The following TLK1 variants were observed in gnomAD, a reference collection of about 807,000 sequenced individuals.
TLK1 encodes tousled like kinase 1, also known as serine/threonine-protein kinase tousled-like 1.
Under a neutral mutation model 105.3 loss-of-function variants are expected in TLK1, and 24 were observed. The observed-to-expected ratio is 0.23, with a 90% CI of 0.17 to 0.32. The LOEUF is 0.32. Ranked by LOEUF, TLK1 falls within the 10% of genes least tolerant of loss-of-function variation. The pLI is 1.00. For synonymous variants in TLK1, 321 were observed against 310.4 expected (o/e 1.03, Z -0.36); for missense variants, 558 against 910.5 (o/e 0.61, Z 4.98).
chr2:171,092,564 T>A (rs1006026820), intron 2 of TLK1, among the ~76,000 whole-genome samples: 1 of 152,200 alleles, frequency 6.6e-6, no homozygotes, highest in Non-Finnish European at 1.5e-5. Flanking sequence ...ACTGTGCCAA[T>A]AGATTTAATT....
rs757650482 is a variant in TLK1, at chr2:171,006,800, G to A, written c.1598C>T (p.Thr533Met). The change falls in exon 16 of 21, where the codon ACG becomes ATG. Residue 533 changes from threonine (T) to methionine (M), a missense_variant and splice_region_variant. By Grantham distance (81) the Thr-to-Met change is moderately conservative. Transcript: ENST00000431350. ...AAATTGAACCTTAATATTCACTTAC[G>A]TATCTGTATCCAAGGAGAAATAATC... ...LYDYFSLDTD[T>M]FCTVLEYCEG... is the part of the protein sequence containing the mutation. 2.5e-6 allele frequency: 4 copies of A among 1,611,006 alleles called. No homozygotes were observed. The highest frequency in any genetic ancestry group is 2.7e-5 in the African/African-American group (2 of 74,826).
intron 2 of TLK1, among the ~76,000 whole-genome samples, chr2:171,107,974 T>C (rs913680704): frequency 1.3e-5 from 2 of 151,838 alleles, no homozygotes; most frequent in African/African-American, 4.8e-5. Flanking sequence ...TGAGGATCAC[T>C]TGAGCCTAGG....
At chr2:171,096,979 A>G (rs1294258617) in intron 2 of TLK1, among the ~76,000 whole-genome samples, 1 of 152,220 alleles carries the variant, frequency 6.6e-6, no homozygotes, top group Non-Finnish European at 1.5e-5. Flanking sequence ...TAGAAAAAAC[A>G]ACCCTAAATT....
At chr2:171,078,203 T>G (rs1236306912) in intron 3 of TLK1, among the ~76,000 whole-genome samples, 2 of 152,296 alleles carry the variant, frequency 1.3e-5, no homozygotes, top group Non-Finnish European at 2.9e-5. Flanking sequence ...TTCTTTATGC[T>G]AATTCCAAGT....
intron 19 of TLK1, among the ~76,000 whole-genome samples, chr2:170,997,437 C>T (rs1435123583): frequency 6.6e-6 from 1 of 151,960 alleles, no homozygotes; most frequent in African/African-American, 2.4e-5. Context: ...AGTATTGACT[C>T]CAGTATTCCC....
chr2:171,014,971 A>G (rs1685104487), intron 12 of TLK1, 23 bp from the exon 13 acceptor site: 1 of 1,531,524 alleles, frequency 6.5e-7, no homozygotes, highest in East Asian at 2.2e-5. Flanking sequence ...AGAGGGGACT[A>G]TAACAAGCTC....
chr2:170,997,269 C>A (rs1684109813), intron 19 of TLK1, among the ~76,000 whole-genome samples: 1 of 152,126 alleles, frequency 6.6e-6, no homozygotes, highest in African/African-American at 2.4e-5. Context: ...TGGTAACCTG[C>A]ACTTCCAACT....
intron 1 of TLK1, among the ~76,000 whole-genome samples, chr2:171,179,293 T>C (rs546640736): frequency 6.6e-6 from 1 of 152,382 alleles, no homozygotes; most frequent in South Asian, 2.1e-4. Context: ...ATATACATGA[T>C]GACATTTTTT....
At chr2:171,206,006 G>A (rs1195497454) in intron 1 of TLK1, among the ~76,000 whole-genome samples, 2 of 152,124 alleles carry the variant, frequency 1.3e-5, no homozygotes, top group East Asian at 3.9e-4. Flanking sequence ...TGGGACCTGA[G>A]AAAGAAAGCT....
chr2:171,204,051 C>G (rs1371557314), intron 1 of TLK1, among the ~76,000 whole-genome samples: 1 of 149,266 alleles, frequency 6.7e-6, no homozygotes, highest in African/African-American at 2.5e-5. Flanking sequence ...GAGACTCTGT[C>G]TCAGAAAAAA....
At position 171,010,700 on chromosome 2, in the gene TLK1, G is replaced by A. The variant is rs535747768; in HGVS notation, c.1416+673C>T. On this transcript the variant is annotated intron_variant, in intron 14 of 20. Transcript: ENST00000431350. ...ATGCTACATTTATACATATGCATTT[G>A]AGAAACGGACTTGACATAGGTAGAA... 3.3e-5 allele frequency among the ~76,000 whole-genome samples: 5 copies of A among 151,806 alleles called. No individual in the cohort carries two copies. In the South Asian group the frequency reaches 1.0e-3, roughly 32 times the overall value.
chr2:171,016,346 C>G (rs1244827694), intron 12 of TLK1, among the ~76,000 whole-genome samples: 1 of 152,144 alleles, frequency 6.6e-6, no homozygotes, highest in East Asian at 1.9e-4. Flanking sequence ...GTTGCCCAGG[C>G]TAGTCCTGAA....
intron 3 of TLK1, among the ~76,000 whole-genome samples, chr2:171,079,825 G>A (rs1688670112): frequency 6.6e-6 from 1 of 152,152 alleles, no homozygotes; most frequent in Non-Finnish European, 1.5e-5. Flanking sequence ...CTGGATGTCT[G>A]AAAAAGAGTA....
chr2:171,224,627 C>G (rs1693866263), intron 1 of TLK1, among the ~76,000 whole-genome samples: 1 of 152,092 alleles, frequency 6.6e-6, no homozygotes, highest in Admixed American at 6.6e-5. Flanking sequence ...CAATATTCCC[C>G]AAGTTGATCT....
At chr2:171,155,639 G>C (rs538509898) in intron 1 of TLK1, 2 of 152,068 alleles carry the variant, frequency 1.3e-5, no homozygotes, top group Non-Finnish European at 2.9e-5. Flanking sequence ...AGCACTCATC[G>C]TAAGAATCTA....
At chr2:171,056,609 G>T (rs768380478) in intron 5 of TLK1, 43 bp from the exon 6 acceptor site, 5 of 1,476,630 alleles carry the variant, frequency 3.4e-6, no homozygotes, top group Admixed American at 1.7e-5. Flanking sequence ...ACTAAAGCAG[G>T]CTCAGACAGT....
chr2:171,093,886 C>T (rs372190711), intron 2 of TLK1, among the ~76,000 whole-genome samples: 5 of 151,888 alleles, frequency 3.3e-5, no homozygotes, highest in Admixed American at 6.6e-5. Context: ...CTGCTCTAGA[C>T]GCCACCTGAT....
rs762505380 is a variant in TLK1 at position 171,046,265 on chromosome 2, G to A, written c.1078C>T (p.Pro360Ser). The change falls in exon 11 of 21, where the codon CCC (proline) becomes TCC (serine). Residue 360 changes from proline to serine, a missense_variant. Physicochemically the swap from Pro to Ser is moderately conservative, Grantham distance 74. Coordinates refer to ENST00000431350, the MANE Select transcript of TLK1 (RefSeq NM_012290.5). ...TGTTTTGGTTCAGAATTGGTAGAGG[G>A]TGCCTGAGAATTATTAGCTGTGGGA... ...KPPTANNSQAPSTNSEPKQRK... is the reference protein window; with the variant it reads ...KPPTANNSQASSTNSEPKQRK... 1 of 1,613,472 alleles carries A rather than the reference G, an allele frequency of 6.2e-7. No individual in the cohort carries two copies. The highest frequency in any genetic ancestry group is 8.5e-7 in the Non-Finnish European group (1 of 1,179,702).
At chr2:171,173,768 C>T (rs1158063381) in intron 1 of TLK1, among the ~76,000 whole-genome samples, 2 of 152,182 alleles carry the variant, frequency 1.3e-5, no homozygotes, top group East Asian at 1.9e-4. Context: ...TGACCCTATG[C>T]ATCTCCCCTT....
Sources: allele counts gnomAD v4.1 joint callset (sites outside exome capture counted in the v4.1 genomes callset), GRCh38; gene constraint gnomAD v4.1.1; transcripts MANE v1.5; gene names NCBI Gene and HGNC (gene_info 2026-07-23, HGNC 2026-07-21).